LINGO2: variants seen among roughly 807,000 people sequenced by gnomAD.
LINGO2 encodes the protein leucine-rich repeat and immunoglobulin-like domain-containing nogo receptor-interacting protein 2.
Under a neutral mutation model 30.6 loss-of-function variants are expected in LINGO2, and 14 were observed. The ratio of observed to expected loss-of-function variants is 0.46; its 90% CI spans 0.30 to 0.72. LINGO2 has a LOEUF of 0.72. LINGO2 is among the 30% of genes least tolerant of loss of function. LINGO2 has a pLI of 0.07. For synonymous variants in LINGO2, 317 were observed against 288.5 expected (o/e 1.10, Z -1.00); for missense variants, 729 against 751.7 (o/e 0.97, Z 0.35).
At chr9:28,437,473 T>C (rs1412718850) in intron 2 of LINGO2, among the ~76,000 whole-genome samples, 1 of 151,928 alleles carries the variant, frequency 6.6e-6, no homozygotes, top group African/African-American at 2.4e-5. Flanking sequence ...GTGGAACTTC[T>C]CAGCCTCCAA....
chr9:28,011,287 G>A (rs1309849648), intron 5 of LINGO2, among the ~76,000 whole-genome samples: 1 of 152,150 alleles, frequency 6.6e-6, no homozygotes, highest in Non-Finnish European at 1.5e-5. Context: ...ACATTTGTTT[G>A]GAAAAATTCC....
chr9:29,056,013 G>A, the LINGO2 span, among the ~76,000 whole-genome samples: 1 of 141,318 alleles, frequency 7.1e-6, no homozygotes, highest in Non-Finnish European at 1.6e-5. Context: ...TCCACTCATT[G>A]ATCGATGGGC....
chr9:28,308,468 C>T (rs1291843479), intron 3 of LINGO2, among the ~76,000 whole-genome samples: 51 of 145,890 alleles, frequency 3.5e-4, no homozygotes, highest in African/African-American at 1.0e-3. Flanking sequence ...GACCTAAAAC[C>T]ATAAAAACCC....
chr9:28,099,621 T>C (rs1319857574), intron 4 of LINGO2, among the ~76,000 whole-genome samples: 1 of 152,190 alleles, frequency 6.6e-6, no homozygotes, highest in Non-Finnish European at 1.5e-5. Context: ...TTCTGTCACC[T>C]CAGAATTATG....
chr9:29,028,375 C>T, the LINGO2 span, among the ~76,000 whole-genome samples: 1 of 143,900 alleles, frequency 6.9e-6, no homozygotes, highest in African/African-American at 2.7e-5. Flanking sequence ...GGTCATAAAA[C>T]TATCCATGTA....
chr9:28,342,540 C>T (rs1324226952), intron 3 of LINGO2, among the ~76,000 whole-genome samples: 1 of 151,982 alleles, frequency 6.6e-6, no homozygotes, highest in Non-Finnish European at 1.5e-5. Context: ...AGCTTAAGGC[C>T]TTTGGTGAGA....
At chr9:28,735,853 C>G in the LINGO2 span, among the ~76,000 whole-genome samples, 1 of 152,060 alleles carries the variant, frequency 6.6e-6, no homozygotes, top group East Asian at 1.9e-4. Context: ...TCAAGTACAC[C>G]TATCACAATG....
At chr9:28,221,827 T>A (rs1372715821) in intron 4 of LINGO2, among the ~76,000 whole-genome samples, 1 of 152,210 alleles carries the variant, frequency 6.6e-6, no homozygotes, top group Non-Finnish European at 1.5e-5. Context: ...TCCATGACTT[T>A]AAGATATATA....
At chr9:28,018,019 A>G (rs1041079115) in intron 4 of LINGO2, among the ~76,000 whole-genome samples, 1 of 152,176 alleles carries the variant, frequency 6.6e-6, no homozygotes, top group Non-Finnish European at 1.5e-5. Context: ...CCCATAGACC[A>G]ATGAAACAGA....
chr9:28,454,662 T>G (rs1824777941), intron 2 of LINGO2, among the ~76,000 whole-genome samples: 2 of 151,914 alleles, frequency 1.3e-5, no homozygotes, highest in Admixed American at 1.3e-4. Flanking sequence ...ATAAAGACAC[T>G]TAAATGAAAT....
At chr9:28,093,898 C>G (rs1225724041) in intron 4 of LINGO2, among the ~76,000 whole-genome samples, 1 of 151,938 alleles carries the variant, frequency 6.6e-6, no homozygotes, top group Non-Finnish European at 1.5e-5. Flanking sequence ...GGAAATCTGA[C>G]CATGGCCACT....
At chr9:28,016,245 A>G (rs150997712) in intron 4 of LINGO2, among the ~76,000 whole-genome samples, 1,590 of 152,198 alleles carry the variant, frequency 0.01, 33 homozygotes, top group African/African-American at 0.037. Context: ...ATACAATGGC[A>G]GTGGCCTATG....
the LINGO2 span, among the ~76,000 whole-genome samples, chr9:28,849,630 T>C: frequency 6.6e-6 from 1 of 152,040 alleles, no homozygotes; most frequent in Non-Finnish European, 1.5e-5. Flanking sequence ...TAGCATACAC[T>C]TGTGGCCCCA....
chr9:29,131,398 T>TAAACA, the LINGO2 span, among the ~76,000 whole-genome samples: 1 of 152,140 alleles, frequency 6.6e-6, no homozygotes, highest in Non-Finnish European at 1.5e-5. Context: ...CAAAGACTGC[T>TAAACA]AAGTACCACC....
At chr9:28,617,671 T>G (rs1281614356) in intron 1 of LINGO2, among the ~76,000 whole-genome samples, 4 of 152,130 alleles carry the variant, frequency 2.6e-5, no homozygotes, top group Non-Finnish European at 5.9e-5. Context: ...ACCAATGAAA[T>G]TACTCCCTTT....
intron 4 of LINGO2, among the ~76,000 whole-genome samples, chr9:28,125,525 GTTCTCCTAGTATTTTTCTGCAGCCAAA>G (rs1306970380): frequency 6.6e-6 from 1 of 152,154 alleles, no homozygotes; most frequent in Admixed American, 6.5e-5. Flanking sequence ...GACTGTTATG[GTTCTCCTAGTATTTTTCTGCAGCCAAA>G]TTAGACCCAA....
chr9:28,349,774 A>T (rs1819771098), intron 3 of LINGO2, among the ~76,000 whole-genome samples: 1 of 151,446 alleles, frequency 6.6e-6, no homozygotes, highest in South Asian at 2.1e-4. Context: ...CCTCAAAGGG[A>T]AGCCCATCAG....
At chr9:29,038,972 C>G in the LINGO2 span, among the ~76,000 whole-genome samples, 1 of 152,136 alleles carries the variant, frequency 6.6e-6, no homozygotes, top group Non-Finnish European at 1.5e-5. Context: ...TAACTGGGTG[C>G]ACATTAGTCA....
Position 28,018,566 on chromosome 9 carries a change from T to A in LINGO2, c.-86-6161A>T, listed in dbSNP as rs147509598. Among the ~76,000 whole-genome samples, 7 of 152,112 alleles carry A rather than the reference T, an allele frequency of 4.6e-5. No individual in the cohort carries two copies. In the East Asian group the frequency reaches 1.4e-3, roughly 29 times the overall value. On this transcript the variant is annotated intron_variant, in intron 4 of 5. Transcript: ENST00000379992. Reference sequence around the variant, plus strand: ...ACAGATACTTTTCAGAAGACATACATGCAGCTAATAAGCATATGAAAAAAA... The same window carrying A: ...ACAGATACTTTTCAGAAGACATACAAGCAGCTAATAAGCATATGAAAAAAA...
Sources: allele counts gnomAD v4.1 joint callset (sites outside exome capture counted in the v4.1 genomes callset), GRCh38; gene constraint gnomAD v4.1.1; transcripts MANE v1.5; gene names NCBI Gene and HGNC (gene_info 2026-07-23, HGNC 2026-07-21).